HS6ST2: variants seen among roughly 807,000 people sequenced by gnomAD.
The protein encoded by HS6ST2 is heparan sulfate 6-O-sulfotransferase 2.
HS6ST2 carries 17 observed loss-of-function variants against 33.0 expected under a neutral mutation model. That is an observed-to-expected ratio of 0.52 (90% confidence interval 0.35 to 0.77). The LOEUF is 0.77. Among genes scored for constraint, HS6ST2 ranks in the 30% least tolerant of loss-of-function variants. The probability of loss-of-function intolerance (pLI) is 0.01; values close to 1 mark genes in which losing one functional copy is unlikely to be tolerated. For synonymous variants in HS6ST2, 248 were observed against 237.1 expected (o/e 1.05, Z -0.42); for missense variants, 519 against 551.7 (o/e 0.94, Z 0.59).
At chrX:132,958,700 A>C, upstream of HS6ST2, 2 of 833,005 alleles carry the variant, frequency 2.4e-6, no homozygotes, top group Non-Finnish European at 3.3e-6. Context: ...CTTCACAAGC[A>C]GAGAACCTGG....
chrX:132,649,480 G>A (rs748461698), intron 4 of HS6ST2, among the ~76,000 whole-genome samples: 1 of 112,055 alleles, frequency 8.9e-6, no homozygotes, highest in South Asian at 3.7e-4. Context: ...AGGGAAAAAT[G>A]GTATCAATAA....
intron 2 of HS6ST2, among the ~76,000 whole-genome samples, chrX:132,889,588 A>G (rs1437049226): frequency 1.8e-5 from 2 of 111,408 alleles, no homozygotes; most frequent in African/African-American, 6.5e-5. Flanking sequence ...TTAGGAGTGG[A>G]TCCACATACG....
At chrX:132,922,178 G>A (rs1163269895) in intron 2 of HS6ST2, among the ~76,000 whole-genome samples, 5 of 111,630 alleles carry the variant, frequency 4.5e-5, no homozygotes, top group South Asian at 3.7e-4. Context: ...CGAGGCAGGC[G>A]GATCACGAGG....
intron 2 of HS6ST2, among the ~76,000 whole-genome samples, chrX:132,733,421 A>T (rs1404180804): frequency 9.1e-6 from 1 of 110,153 alleles, no homozygotes; most frequent in Admixed American, 9.9e-5. Context: ...CTCTTTCTGG[A>T]CATGGCTTAA....
At chrX:132,853,329 T>C (rs1457603193) in intron 2 of HS6ST2, among the ~76,000 whole-genome samples, 1 of 106,562 alleles carries the variant, frequency 9.4e-6, no homozygotes, top group Non-Finnish European at 1.9e-5. Flanking sequence ...TTTTTTTTTT[T>C]TTCTTTTTTT....
At chrX:132,867,741 G>GA (rs941364252) in intron 2 of HS6ST2, among the ~76,000 whole-genome samples, 6 of 111,790 alleles carry the variant, frequency 5.4e-5, no homozygotes, top group Non-Finnish European at 1.1e-4. Context: ...AATGCTGAGA[G>GA]ATTTTGTCAC....
chrX:132,854,688 ACTATTTCTTTT>A (rs2065835756), intron 2 of HS6ST2, among the ~76,000 whole-genome samples: 1 of 112,582 alleles, frequency 8.9e-6, no homozygotes, highest in African/African-American at 3.2e-5. Context: ...CTGCAGTAAG[ACTATTTCTTTT>A]ACATTACAGA....
At chrX:132,659,675 G>T (rs1049067004) in intron 4 of HS6ST2, among the ~76,000 whole-genome samples, 1 of 111,584 alleles carries the variant, frequency 9.0e-6, no homozygotes, top group Non-Finnish European at 1.9e-5. Context: ...TTCAGAAGGG[G>T]TAGATGAACT....
intron 2 of HS6ST2, among the ~76,000 whole-genome samples, chrX:132,814,281 C>G (rs905211144): frequency 2.7e-5 from 3 of 111,651 alleles, no homozygotes; most frequent in African/African-American, 6.5e-5. Context: ...CCATAACGTC[C>G]AAGCTGGTAC....
chrX:132,745,327 T>C (rs151142918), intron 2 of HS6ST2, among the ~76,000 whole-genome samples: 1,237 of 112,114 alleles, frequency 0.011, 12 homozygotes, highest in Non-Finnish European at 0.015. Context: ...TCAAAGGATC[T>C]GCCTGCCTTA....
chrX:132,787,184 TATACATATATATATAC>T lies in HS6ST2; in HGVS notation c.948-78706_948-78691del, dbSNP rs1250263261. ...ATATATATGTATATATATATATATA[TATACATATATATATAC>T]ACATATATATATACACATATATATA... is the stretch of plus-strand genomic sequence containing the variant. On this transcript the variant is annotated intron_variant, in intron 2 of 4. Coordinates refer to ENST00000370833, the MANE Select transcript of HS6ST2 (RefSeq NM_001394073.1). Among the ~76,000 whole-genome samples the T allele has an allele frequency of 6.0e-3, 474 of 79,527 alleles. 5 individuals carry two copies. The highest frequency in any genetic ancestry group is 0.026 in the African/African-American group (447 of 17,325). The allele number at this position is 79,527 out of a possible 115,157, so 69.1% of individuals were successfully genotyped here.
At chrX:132,734,544 C>A (rs932377491) in intron 2 of HS6ST2, among the ~76,000 whole-genome samples, 3 of 112,055 alleles carry the variant, frequency 2.7e-5, no homozygotes, top group Non-Finnish European at 5.6e-5. Flanking sequence ...ACTCTCACAG[C>A]CTTTTCCCCT....
chrX:132,915,249 G>C (rs1055799701), intron 2 of HS6ST2, among the ~76,000 whole-genome samples: 6 of 111,692 alleles, frequency 5.4e-5, no homozygotes, highest in African/African-American at 1.3e-4. Flanking sequence ...CCATCCTCAG[G>C]GCTCAGGGCT....
chrX:132,933,761 C>G (rs1229848253), intron 2 of HS6ST2, among the ~76,000 whole-genome samples: 5 of 111,848 alleles, frequency 4.5e-5, no homozygotes, highest in Non-Finnish European at 9.4e-5. Context: ...ATAACACTGA[C>G]AGCTAACTTC....
chrX:132,660,165 G>A (rs766244927), intron 4 of HS6ST2, among the ~76,000 whole-genome samples: 1 of 111,809 alleles, frequency 8.9e-6, no homozygotes, highest in Non-Finnish European at 1.9e-5. Flanking sequence ...CATAAGGACA[G>A]GGAATTTTGC....
intron 2 of HS6ST2, among the ~76,000 whole-genome samples, chrX:132,836,663 G>T (rs757126031): frequency 8.9e-6 from 1 of 112,891 alleles, no homozygotes; most frequent in Non-Finnish European, 1.9e-5. Flanking sequence ...TTGCTTGAAG[G>T]AAGCAGCTGG....
At chrX:132,772,887 T>C (rs1439831683) in intron 2 of HS6ST2, among the ~76,000 whole-genome samples, 1 of 88,226 alleles carries the variant, frequency 1.1e-5, no homozygotes, top group African/African-American at 4.4e-5. Flanking sequence ...ACATATATTA[T>C]ATATTATGTA....
At chrX:132,679,080 T>A (rs2063947236) in intron 3 of HS6ST2, among the ~76,000 whole-genome samples, 1 of 112,091 alleles carries the variant, frequency 8.9e-6, no homozygotes, top group African/African-American at 3.2e-5. Context: ...AAGGATGCAG[T>A]ACTGACTTGA....
intron 2 of HS6ST2, among the ~76,000 whole-genome samples, chrX:132,882,127 T>C (rs2066183619): frequency 9.0e-6 from 1 of 111,422 alleles, no homozygotes; most frequent in African/African-American, 3.3e-5. Flanking sequence ...TGGTTCCATA[T>C]GAACTTTAAA....
Sources: gnomAD v4.1 joint callset for allele counts (sites outside exome capture counted in the v4.1 genomes callset) on GRCh38, gnomAD v4.1.1 for gene constraint, MANE v1.5 for transcripts, NCBI Gene and HGNC (gene_info 2026-07-23, HGNC 2026-07-21) for gene names.